Variants in SMURF2 observed in about 807,000 individuals in gnomAD.
The protein encoded by SMURF2 is E3 ubiquitin-protein ligase SMURF2.
Under a neutral mutation model 109.6 loss-of-function variants are expected in SMURF2, and 48 were observed. That is an observed-to-expected ratio of 0.44 (90% CI 0.35 to 0.56). SMURF2 has a LOEUF of 0.56. Among genes scored for constraint, SMURF2 ranks in the 20% least tolerant of loss-of-function variants. The pLI, the probability that SMURF2 is intolerant of heterozygous loss-of-function variation, is 0.01. For missense variants in SMURF2, 575 were observed against 909.0 expected, an observed-to-expected ratio of 0.63 and a Z score of 4.72; for synonymous variants, 288 against 317.1, an observed-to-expected ratio of 0.91 and a Z score of 0.97.
chr17:64,574,556 A>G (rs186678077), intron 9 of SMURF2, among the ~76,000 whole-genome samples: 24 of 152,342 alleles, frequency 1.6e-4, no homozygotes, highest in Admixed American at 5.9e-4. Flanking sequence ...TGTAATAGAA[A>G]CTAAATATTT....
chr17:64,602,519 A>G (rs1555688669), intron 2 of SMURF2, among the ~76,000 whole-genome samples: 2 of 152,182 alleles, frequency 1.3e-5, no homozygotes, highest in Non-Finnish European at 2.9e-5. Context: ...ATTATTCTCC[A>G]AAAATTTAAC....
intron 1 of SMURF2, among the ~76,000 whole-genome samples, chr17:64,651,687 G>A (rs1364170909): frequency 6.6e-6 from 1 of 152,032 alleles, no homozygotes; most frequent in East Asian, 1.9e-4. Flanking sequence ...ACTTTGGAAA[G>A]CCAAGGCAGG....
chr17:64,546,687 A>G (rs2144581666), intron 17 of SMURF2, among the ~76,000 whole-genome samples: 1 of 152,368 alleles, frequency 6.6e-6, no homozygotes, highest in African/African-American at 2.4e-5. Context: ...CACACATTCA[A>G]AAAGATGACG....
At chr17:64,573,151 AGGAGGAGGAGGG>A (rs1969427086) in intron 9 of SMURF2, 2 of 33,180 alleles carry the variant, frequency 6.0e-5, no homozygotes, top group Non-Finnish European at 9.9e-5. Context: ...GAGGAGGAGG[AGGAGGAGGAGGG>A]GGAGGAGGAG....
chr17:64,594,336 A>G (rs1211257026), intron 3 of SMURF2, among the ~76,000 whole-genome samples: 4 of 152,204 alleles, frequency 2.6e-5, no homozygotes, highest in Non-Finnish European at 4.4e-5. Context: ...ACAATATCAG[A>G]AAAATTCACC....
chr17:64,556,071 G>T, intron 13 of SMURF2, 73 bp from the exon 14 acceptor site: 1 of 1,129,798 alleles, frequency 8.9e-7, no homozygotes. Flanking sequence ...AAATATTTCA[G>T]CAACATTAAT....
At chr17:64,574,983 T>C (rs947183662) in intron 9 of SMURF2, among the ~76,000 whole-genome samples, 3 of 152,158 alleles carry the variant, frequency 2.0e-5, no homozygotes, top group Non-Finnish European at 4.4e-5. Context: ...AATTTCTAAT[T>C]AATTTAAAGA....
At chr17:64,559,314 G>C (rs2144599976) in intron 12 of SMURF2, among the ~76,000 whole-genome samples, 1 of 152,206 alleles carries the variant, frequency 6.6e-6, no homozygotes, top group South Asian at 2.1e-4. Flanking sequence ...CAAAAAACTG[G>C]GCTGGGTTCG....
chr17:64,633,807 CA>C (rs1465871596), intron 1 of SMURF2, among the ~76,000 whole-genome samples: 6 of 151,606 alleles, frequency 4.0e-5, no homozygotes, highest in Non-Finnish European at 8.8e-5. Flanking sequence ...CCCCACCCCC[CA>C]AAAAAATGTT....
chr17:64,604,596 G>C (rs1324195349), intron 2 of SMURF2, among the ~76,000 whole-genome samples: 1 of 152,098 alleles, frequency 6.6e-6, no homozygotes, highest in African/African-American at 2.4e-5. Flanking sequence ...CAAAACTGAA[G>C]ATTTTATCTT....
chr17:64,584,267 A>C (rs1555686849), intron 6 of SMURF2, among the ~76,000 whole-genome samples: 2 of 149,748 alleles, frequency 1.3e-5, no homozygotes, highest in African/African-American at 4.9e-5. Context: ...GCAGTGAACC[A>C]AGATCATGCC....
chr17:64,591,125 A>C lies in SMURF2; in HGVS notation c.359T>G (p.Leu120Arg). The C allele has an allele frequency of 6.2e-7, 1 of 1,613,254 alleles. No homozygotes were observed. Among genetic ancestry groups the C allele is most frequent in the Non-Finnish European group, 8.5e-7 (1 of 1,179,618 alleles). ...TGYQRLDLCK[L>R]GPNDNDTVRG... ...AACTGTATCATTGTCATTTGGCCCG[A>C]GTTTGCATAAATCCAACCTCTGATC... The change falls in exon 5 of 19, where the codon CTC (leucine) becomes CGC (arginine). Residue 120 changes from leucine to arginine, a missense_variant. Leu to Arg is a moderately radical substitution (Grantham distance 102). Coordinates refer to ENST00000262435, the MANE Select transcript of SMURF2 (RefSeq NM_022739.4).
At chr17:64,637,667 G>A (rs536832368) in intron 1 of SMURF2, among the ~76,000 whole-genome samples, 20 of 151,820 alleles carry the variant, frequency 1.3e-4, no homozygotes, top group African/African-American at 4.4e-4. Context: ...AGGTTCAGGC[G>A]ATTCTCCCAC....
At chr17:64,602,443 G>A (rs1555688664) in intron 2 of SMURF2, among the ~76,000 whole-genome samples, 2 of 152,018 alleles carry the variant, frequency 1.3e-5, no homozygotes, top group South Asian at 4.1e-4. Context: ...AAATAACACA[G>A]TAAACAAAAA....
chr17:64,598,318 T>C, intron 3 of SMURF2, 64 bp downstream of exon 3: 1 of 1,343,278 alleles, frequency 7.4e-7, no homozygotes, highest in East Asian at 2.5e-5. Flanking sequence ...CCATGATTAT[T>C]TTCAAAGACT....
At chr17:64,571,000 C>G (rs1969390521) in intron 10 of SMURF2, among the ~76,000 whole-genome samples, 1 of 151,992 alleles carries the variant, frequency 6.6e-6, no homozygotes, top group South Asian at 2.1e-4. Context: ...CCAGGTTGGT[C>G]TTGAACTCCT....
intron 5 of SMURF2, among the ~76,000 whole-genome samples, chr17:64,587,005 T>C (rs1969671843): frequency 6.6e-6 from 1 of 151,284 alleles, no homozygotes; most frequent in Admixed American, 6.6e-5. Context: ...CTCTACAAAA[T>C]ACAAAAAATT....
At chr17:64,644,957 G>A (rs1970540408) in intron 1 of SMURF2, among the ~76,000 whole-genome samples, 1 of 150,448 alleles carries the variant, frequency 6.6e-6, no homozygotes, top group South Asian at 2.1e-4. Context: ...GCAGTGAGCC[G>A]AGATCACACC....
At chr17:64,613,576 A>G (rs1265337838) in intron 1 of SMURF2, among the ~76,000 whole-genome samples, 1 of 152,008 alleles carries the variant, frequency 6.6e-6, no homozygotes, top group Non-Finnish European at 1.5e-5. Flanking sequence ...CGAGGCCAGA[A>G]CAAAGGCTAT....
Sources: gnomAD v4.1 joint callset for allele counts (sites outside exome capture counted in the v4.1 genomes callset) on GRCh38, gnomAD v4.1.1 for gene constraint, MANE v1.5 for transcripts, NCBI Gene and HGNC (gene_info 2026-07-23, HGNC 2026-07-21) for gene names.